Variants in MGRN1 observed in about 807,000 individuals in gnomAD.
MGRN1 encodes the protein E3 ubiquitin-protein ligase MGRN1.
MGRN1 carries 29 observed loss-of-function variants against 69.2 expected under a neutral mutation model. The ratio of observed to expected loss-of-function variants is 0.42; its 90% CI spans 0.31 to 0.57. MGRN1 has a LOEUF of 0.57. Among genes scored for constraint, MGRN1 ranks in the 20% least tolerant of loss-of-function variants. The pLI, the probability that MGRN1 is intolerant of heterozygous loss-of-function variation, is 0.15. For synonymous variants in MGRN1, 470 were observed against 344.2 expected (o/e 1.37, Z -4.04); for missense variants, 998 against 796.2 (o/e 1.25, Z -3.05).
intron 4 of MGRN1, among the ~76,000 whole-genome samples, chr16:4,653,446 G>C (rs148338407): frequency 1.3e-3 from 191 of 152,302 alleles, no homozygotes; most frequent in Non-Finnish European, 2.1e-3. Flanking sequence ...CTCCCTGGAG[G>C]ATGGGGCTGG....
rs544509859 is a variant in MGRN1, at chr16:4,648,765, C to T, written c.89-1600C>T. Among the ~76,000 whole-genome samples, 9 of 130,024 alleles carry T rather than the reference C, an allele frequency of 6.9e-5. 1 individual carries two copies. The South Asian group carries it at 2.1e-3, about 30-fold the overall frequency. The allele number at this position is 130,024 out of a possible 152,430, so 85.3% of individuals were successfully genotyped here. ...TCTTCCCGTGGTCACCCGGCTCCTC[C>T]TCCCGGGGCTCTTCCCGTGGTCACC... On this transcript the variant is annotated intron_variant, in intron 1 of 16. Coordinates refer to ENST00000262370, the MANE Select transcript of MGRN1 (RefSeq NM_015246.4).
chr16:4,645,977 GAC>G (rs1297772279), intron 1 of MGRN1, among the ~76,000 whole-genome samples: 1 of 152,182 alleles, frequency 6.6e-6, no homozygotes, highest in East Asian at 1.9e-4. Context: ...GAGGAGAAAT[GAC>G]AGTCACGTAG....
intron 10 of MGRN1, among the ~76,000 whole-genome samples, chr16:4,676,674 G>C (rs2079059858): frequency 6.6e-6 from 1 of 152,140 alleles, no homozygotes; most frequent in African/African-American, 2.4e-5. Context: ...TGGTTTGGTG[G>C]TTCGGTTTCC....
intron 9 of MGRN1, 121 bp downstream of exon 9, chr16:4,671,580 C>G: frequency 1.2e-6 from 1 of 835,188 alleles, no homozygotes; most frequent in Non-Finnish European, 2.0e-6. Flanking sequence ...ACCCGCTAGA[C>G]AACATCATTT....
rs976104597 is a variant in MGRN1 at position 4,642,731 on chromosome 16, T to A, written c.89-7634T>A. ...ATTTGCCTGCCCTGGCCTCCCAAAG[T>A]GCTGGGATTACAGGGGTGAGCACCG... On this transcript the variant is annotated intron_variant, in intron 1 of 16. Coordinates refer to ENST00000262370, the MANE Select transcript of MGRN1 (RefSeq NM_015246.4). Among the ~76,000 whole-genome samples the A allele has an allele frequency of 7.9e-5, 12 of 151,778 alleles. 1 individual carries two copies. Among genetic ancestry groups the A allele is most frequent in the Admixed American group, 7.9e-4 (12 of 15,220 alleles).
intron 8 of MGRN1, 66 bp downstream of exon 8, chr16:4,668,378 C>A: frequency 6.6e-7 from 1 of 1,519,080 alleles, no homozygotes; most frequent in Non-Finnish European, 9.1e-7. Context: ...CACTCACACG[C>A]ATACTCATAC....
At chr16:4,651,260 C>G (rs1389168615) in intron 2 of MGRN1, among the ~76,000 whole-genome samples, 2 of 150,994 alleles carry the variant, frequency 1.3e-5, no homozygotes, top group Non-Finnish European at 2.9e-5. Flanking sequence ...GTACTGTGAG[C>G]TGTCTGTTCA....
chr16:4,672,278 C>T, intron 9 of MGRN1: 1 of 448,244 alleles, frequency 2.2e-6, no homozygotes. Flanking sequence ...AACTTCTGAT[C>T]TCAAGTGATC....
At chr16:4,674,841 C>T (rs2079021748) in intron 10 of MGRN1, among the ~76,000 whole-genome samples, 1 of 150,014 alleles carries the variant, frequency 6.7e-6, no homozygotes, top group African/African-American at 2.5e-5. Flanking sequence ...GGGGTTTCAC[C>T]TTGTTAGCCA....
intron 1 of MGRN1, among the ~76,000 whole-genome samples, chr16:4,638,334 G>A (rs540279031): frequency 5.3e-5 from 8 of 152,130 alleles, no homozygotes; most frequent in South Asian, 2.1e-4. Context: ...GCGTGGTGGC[G>A]GGTGCCTGTA....
At chr16:4,665,396 ACT>A (rs917354335) in intron 7 of MGRN1, among the ~76,000 whole-genome samples, 5 of 141,560 alleles carry the variant, frequency 3.5e-5, no homozygotes, top group African/African-American at 1.3e-4. Flanking sequence ...AGCCGGGCTC[ACT>A]CTGTCACCCA....
intron 7 of MGRN1, among the ~76,000 whole-genome samples, chr16:4,666,020 CAG>C (rs1399043917): frequency 4.6e-5 from 7 of 152,056 alleles, no homozygotes; most frequent in African/African-American, 1.7e-4. Context: ...TCAGTAGAGA[CAG>C]GGTTTCACTG....
intron 11 of MGRN1, 84 bp downstream of exon 11, chr16:4,677,656 A>G: frequency 7.6e-7 from 1 of 1,309,466 alleles, no homozygotes; most frequent in Non-Finnish European, 1.1e-6. Context: ...CGGTCCAGCC[A>G]GCAGCCCCGT....
intron 1 of MGRN1, among the ~76,000 whole-genome samples, chr16:4,636,237 G>A (rs1053843883): frequency 6.6e-6 from 1 of 151,670 alleles, no homozygotes; most frequent in African/African-American, 2.4e-5. Flanking sequence ...TGAACAACCT[G>A]CCTCCCCCTT....
intron 8 of MGRN1, among the ~76,000 whole-genome samples, chr16:4,670,260 T>A (rs956659589): frequency 3.9e-5 from 6 of 151,964 alleles, no homozygotes; most frequent in Non-Finnish European, 8.8e-5. Flanking sequence ...TTTGTATTTT[T>A]GAGATGGAGT....
chr16:4,655,894 G>A (rs1448621028), intron 4 of MGRN1, among the ~76,000 whole-genome samples: 1 of 152,250 alleles, frequency 6.6e-6, no homozygotes, highest in Non-Finnish European at 1.5e-5. Context: ...AGAAGGCTGG[G>A]GTCCACCTGA....
At chr16:4,670,492 C>T (rs1424657735) in intron 8 of MGRN1, among the ~76,000 whole-genome samples, 1 of 152,252 alleles carries the variant, frequency 6.6e-6, no homozygotes, top group East Asian at 1.9e-4. Context: ...ATCCACCAGC[C>T]TCGGCCTCCT....
At chr16:4,686,440 A>T in intron 16 of MGRN1, 1 of 1,429,218 alleles carries the variant, frequency 7.0e-7, no homozygotes, top group Non-Finnish European at 9.1e-7. Flanking sequence ...GGGGCCCTGG[A>T]TTCCGAATCC....
chr16:4,653,471 C>A (rs758099951), intron 4 of MGRN1, among the ~76,000 whole-genome samples: 1 of 152,118 alleles, frequency 6.6e-6, no homozygotes, highest in Admixed American at 6.5e-5. Context: ...AAATTCAGTT[C>A]CAGGTTTTTG....
Sources: gnomAD v4.1 joint callset for allele counts (sites outside exome capture counted in the v4.1 genomes callset) on GRCh38, gnomAD v4.1.1 for gene constraint, MANE v1.5 for transcripts, NCBI Gene and HGNC (gene_info 2026-07-23, HGNC 2026-07-21) for gene names.